Variants in ASCC1 observed in about 807,000 individuals in gnomAD.
The protein encoded by ASCC1 is ASC-1 complex subunit P50.
ASCC1 carries 35 observed loss-of-function variants against 46.6 expected under a neutral mutation model. The ratio of observed to expected loss-of-function variants is 0.75; its 90% CI spans 0.57 to 0.99. The LOEUF is 0.99. Ranked by LOEUF, ASCC1 falls within the 50% of genes least tolerant of loss-of-function variation. The probability of loss-of-function intolerance (pLI) is 0.00; values close to 1 mark genes in which losing one functional copy is unlikely to be tolerated. For synonymous variants in ASCC1, 143 were observed against 146.6 expected (o/e 0.98, Z 0.18); for missense variants, 376 against 428.7 (o/e 0.88, Z 1.09).
chr10:72,133,277 C>T (rs1845814174), intron 7 of ASCC1, 96 bp from the exon 8 acceptor site: 3 of 1,271,312 alleles, frequency 2.4e-6, no homozygotes. Flanking sequence ...GTGCTCTGTG[C>T]TAATCACCAT....
At position 72,151,848 on chromosome 10, in the gene ASCC1, C is replaced by T. The variant is rs140970967; in HGVS notation, c.746+1021G>A. 5.1e-3 allele frequency among the ~76,000 whole-genome samples: 776 copies of T among 151,898 alleles called. 15 individuals carry two copies. The highest frequency in any genetic ancestry group is 0.023 in the East Asian group (118 of 5,154). On this transcript the variant is annotated intron_variant, in intron 7 of 9. Coordinates refer to ENST00000672957, the MANE Select transcript of ASCC1 (RefSeq NM_001198800.3). Reference sequence around the variant, plus strand: ...GGACTACAGGAGCATGCCACCACACCGGCTAATTTTTTGTATTTTTTTAGT... The same window carrying T: ...GGACTACAGGAGCATGCCACCACACTGGCTAATTTTTTGTATTTTTTTAGT...
At chr10:72,133,391 T>C in intron 7 of ASCC1, 2 of 569,856 alleles carry the variant, frequency 3.5e-6, no homozygotes, top group East Asian at 3.2e-5. Flanking sequence ...TAGAAATAAA[T>C]GATGGCAATA....
intron 8 of ASCC1, among the ~76,000 whole-genome samples, chr10:72,129,407 C>A (rs1004191782): frequency 6.6e-6 from 1 of 152,132 alleles, no homozygotes; most frequent in African/African-American, 2.4e-5. Context: ...TGGTGGCTCA[C>A]GTCTGTAATC....
chr10:72,213,945 G>A (rs1858593614), intron 1 of ASCC1, among the ~76,000 whole-genome samples: 1 of 152,086 alleles, frequency 6.6e-6, no homozygotes, highest in Non-Finnish European at 1.5e-5. Context: ...GGCTGAGGCA[G>A]GAGAATCTCT....
chr10:72,173,344 C>T (rs1439464919), intron 5 of ASCC1, among the ~76,000 whole-genome samples: 4 of 152,136 alleles, frequency 2.6e-5, no homozygotes, highest in African/African-American at 7.2e-5. Flanking sequence ...ACTTTGCTTT[C>T]CCTGCCTTAC....
At chr10:72,198,789 C>T (rs1856027597) in intron 4 of ASCC1, 1 of 414,012 alleles carries the variant, frequency 2.4e-6, no homozygotes, top group South Asian at 1.8e-5. Context: ...TTTCTATATA[C>T]TTTACTTCTC....
intron 9 of ASCC1, among the ~76,000 whole-genome samples, chr10:72,112,553 A>G (rs1266923693): frequency 6.6e-6 from 1 of 152,174 alleles, no homozygotes; most frequent in Non-Finnish European, 1.5e-5. Context: ...AAAAATGGTT[A>G]AAATAGCCAA....
rs201739999 is a variant in ASCC1 at position 72,119,719 on chromosome 10, G to GA, written c.957+8362dup. Among the ~76,000 whole-genome samples the GA allele has an allele frequency of 2.7e-3, 375 of 140,376 alleles. 1 individual carries two copies. The highest frequency in any genetic ancestry group is 0.019 in the East Asian group (94 of 4,930). 92.1% of individuals were successfully genotyped at this position (140,376 alleles called of 152,430 possible). On this transcript the variant is annotated intron_variant, in intron 9 of 9. Coordinates refer to ENST00000672957, the MANE Select transcript of ASCC1 (RefSeq NM_001198800.3). ...AAATTACTACAAGACATAGTAAAAG[G>GA]AAAAAAAAAAAACCAACACAACACA...
At chr10:72,151,925 G>A (rs548344757) in intron 7 of ASCC1, among the ~76,000 whole-genome samples, 21 of 150,934 alleles carry the variant, frequency 1.4e-4, no homozygotes, top group African/African-American at 4.9e-4. Context: ...TCCTGACCTC[G>A]TGATCCGCCC....
At chr10:72,158,223 T>C (rs925139414) in intron 6 of ASCC1, among the ~76,000 whole-genome samples, 2 of 152,212 alleles carry the variant, frequency 1.3e-5, no homozygotes, top group African/African-American at 4.8e-5. Flanking sequence ...AACAATTACA[T>C]CTGGGACACC....
chr10:72,207,881 A>G lies in ASCC1; in HGVS notation c.212+2851T>C, dbSNP rs182423336. ...GGTGGAATTACATTGGCACAATCATAGCTCACTGTAACCTTGAACTTCTGG... is the reference window on the plus strand; with the variant it reads ...GGTGGAATTACATTGGCACAATCATGGCTCACTGTAACCTTGAACTTCTGG... On this transcript the variant is annotated intron_variant, in intron 3 of 9. Coordinates refer to ENST00000672957, the MANE Select transcript of ASCC1 (RefSeq NM_001198800.3). Among the ~76,000 whole-genome samples the G allele has an allele frequency of 7.9e-5, 12 of 151,954 alleles. No homozygotes were observed. The East Asian group carries it at 2.3e-3, about 29-fold the overall frequency.
At position 72,213,189 on chromosome 10, in the gene ASCC1, T is replaced by C. The variant is rs1336334365; in HGVS notation, c.110A>G (p.Gln37Arg). Residue 37 changes from glutamine to arginine, a missense_variant and splice_region_variant, in exon 2 of 10, where the codon CAA (glutamine) becomes CGA (arginine). Gln to Arg is a conservative substitution (Grantham distance 43). Coordinates refer to ENST00000672957, the MANE Select transcript of ASCC1 (RefSeq NM_001198800.3). ...QHEEDEEDFY[Q>R]GSMECADEPC... ...GACCAAAGAGCAACTAGGATTACCT[T>C]GATAGAAGTCCTCTTCATCTTCTTC... The C allele has an allele frequency of 6.2e-7, 1 of 1,603,014 alleles. No individual in the cohort carries two copies.
At chr10:72,109,132 ACATAATGCCCTTC>A (rs1376711222) in intron 9 of ASCC1, among the ~76,000 whole-genome samples, 4 of 152,182 alleles carry the variant, frequency 2.6e-5, no homozygotes, top group African/African-American at 9.6e-5. Flanking sequence ...AAAAGAGAGG[ACATAATGCCCTTC>A]CAGAAGGCCT....
At chr10:72,116,134 CTTCT>C (rs1843467767) in intron 9 of ASCC1, among the ~76,000 whole-genome samples, 1 of 152,318 alleles carries the variant, frequency 6.6e-6, no homozygotes, top group East Asian at 1.9e-4. Context: ...CCTGTCTGTC[CTTCT>C]TTCTTCATAA....
At chr10:72,184,117 C>G (rs1384443647) in intron 5 of ASCC1, among the ~76,000 whole-genome samples, 1 of 151,532 alleles carries the variant, frequency 6.6e-6, no homozygotes, top group East Asian at 1.9e-4. Flanking sequence ...GCACTCCAGC[C>G]TGGGTAACAG....
chr10:72,130,019 C>T (rs991158099), intron 8 of ASCC1, among the ~76,000 whole-genome samples: 1 of 108,968 alleles, frequency 9.2e-6, no homozygotes, highest in East Asian at 2.6e-4. Flanking sequence ...GAAAACAAAA[C>T]AAAAAAAGGA....
chr10:72,213,665 TGGGA>T (rs1858535155), intron 1 of ASCC1, among the ~76,000 whole-genome samples: 2 of 150,914 alleles, frequency 1.3e-5, no homozygotes, highest in African/African-American at 4.9e-5. Flanking sequence ...CCCAGCACTT[TGGGA>T]GGCCAAGGTG....
chr10:72,120,164 G>A (rs560071224), intron 9 of ASCC1, among the ~76,000 whole-genome samples: 1 of 152,248 alleles, frequency 6.6e-6, no homozygotes, highest in East Asian at 1.9e-4. Flanking sequence ...GGAGGCGGAG[G>A]TTGCAGTGAG....
intron 6 of ASCC1, among the ~76,000 whole-genome samples, chr10:72,157,871 C>A (rs955399435): frequency 6.6e-6 from 1 of 152,152 alleles, no homozygotes; most frequent in Non-Finnish European, 1.5e-5. Context: ...ACACTGGTGT[C>A]AGAAAATAGT....
Sources: gnomAD v4.1 joint callset for allele counts (sites outside exome capture counted in the v4.1 genomes callset) on GRCh38, gnomAD v4.1.1 for gene constraint, MANE v1.5 for transcripts, NCBI Gene and HGNC (gene_info 2026-07-23, HGNC 2026-07-21) for gene names.